LDLRAD4: variants seen among roughly 807,000 people sequenced by gnomAD.
The protein encoded by LDLRAD4 is low density lipoprotein receptor class A domain containing 4, also known as low-density lipoprotein receptor class A domain-containing protein 4.
Under a neutral mutation model 17.0 loss-of-function variants are expected in LDLRAD4, and 5 were observed. That is an observed-to-expected ratio of 0.29 (90% CI 0.15 to 0.62). The LOEUF is 0.62. Among genes scored for constraint, LDLRAD4 ranks in the 20% least tolerant of loss-of-function variants. LDLRAD4 has a pLI of 0.84. For synonymous variants in LDLRAD4, 168 were observed against 171.8 expected (o/e 0.98, Z 0.17); for missense variants, 340 against 424.7 (o/e 0.80, Z 1.75).
intron 1 of LDLRAD4, among the ~76,000 whole-genome samples, chr18:13,262,206 G>A (rs1166776421): frequency 3.6e-5 from 5 of 137,408 alleles, no homozygotes; most frequent in African/African-American, 5.5e-5. Context: ...ACTGAGTCCC[G>A]TGTGGCTCTG....
intron 3 of LDLRAD4, among the ~76,000 whole-genome samples, chr18:13,557,408 C>G (rs1003725513): frequency 6.7e-6 from 1 of 149,124 alleles, no homozygotes; most frequent in Non-Finnish European, 1.5e-5. Flanking sequence ...TAGACAAAGC[C>G]TTTTTTTTTT....
chr18:13,265,544 C>G (rs901863811), intron 1 of LDLRAD4, among the ~76,000 whole-genome samples: 1 of 152,222 alleles, frequency 6.6e-6, no homozygotes, highest in Non-Finnish European at 1.5e-5. Flanking sequence ...ATGAATAGCT[C>G]CATGCACCCA....
In LDLRAD4 at chr18:13,622,906, T is replaced by A. The variant is rs2040785835; in HGVS notation, c.336+1635T>A. Among the ~76,000 whole-genome samples the A allele has an allele frequency of 6.6e-6, 1 of 152,220 alleles. No homozygotes were observed. Among genetic ancestry groups the A allele is most frequent in the Admixed American group, 6.5e-5 (1 of 15,284 alleles). On this transcript the variant is annotated intron_variant, in intron 4 of 5. Transcript: ENST00000359446. The surrounding 1 kb of genome is among the most constrained non-coding windows in gnomAD (Gnocchi z 5.3). ...GGAGCTCCAGAACGCTTGGGGTCTC[T>A]GTGCGCAGGCACACAGGGAGTTTTC...
At chr18:13,281,121 A>G (rs1408387141) in intron 1 of LDLRAD4, among the ~76,000 whole-genome samples, 1 of 152,192 alleles carries the variant, frequency 6.6e-6, no homozygotes, top group Non-Finnish European at 1.5e-5. Context: ...TATCAAACAA[A>G]AAGAATTGGA....
chr18:13,347,959 A>G (rs1465878089), intron 1 of LDLRAD4, among the ~76,000 whole-genome samples: 3 of 152,108 alleles, frequency 2.0e-5, no homozygotes, highest in South Asian at 4.1e-4. Context: ...TGGTTATTCT[A>G]GTTAGCCATT....
intron 1 of LDLRAD4, among the ~76,000 whole-genome samples, chr18:13,301,915 C>T (rs2046627780): frequency 6.6e-6 from 1 of 152,162 alleles, no homozygotes; most frequent in African/African-American, 2.4e-5. Flanking sequence ...GGGACCAGCC[C>T]CGCTGGGCAG....
chr18:13,642,921 ATTTTTTGTTT>A lies in LDLRAD4; in HGVS notation c.337-431_337-422del, dbSNP rs1159796281. On this transcript the variant is annotated intron_variant, in intron 4 of 5. Coordinates refer to ENST00000359446, the Ensembl canonical transcript of LDLRAD4. ...TGTTTGTTTGTTTGTTTGTTTATCT[ATTTTTTGTTT>A]TTTTTTTTTCTTCTGTTTTTTTGAT... Among the ~76,000 whole-genome samples, 459 of 126,526 alleles carry A rather than the reference ATTTTTTGTTT, an allele frequency of 3.6e-3. 3 individuals are homozygous for A. Among genetic ancestry groups the A allele is most frequent in the African/African-American group, 0.015 (424 of 27,448 alleles). 83.0% of individuals were successfully genotyped at this position (126,526 alleles called of 152,430 possible). A position where few individuals can be genotyped will look rare whatever the true frequency, so the allele number is the denominator to read the frequency against.
At chr18:13,272,337 C>G (rs1467405526) in intron 1 of LDLRAD4, among the ~76,000 whole-genome samples, 1 of 152,210 alleles carries the variant, frequency 6.6e-6, no homozygotes, top group Non-Finnish European at 1.5e-5. Flanking sequence ...AACTGTGCCC[C>G]AGCAATGGCC....
rs149378222 is a variant in LDLRAD4, at chr18:13,579,980, C to T, written c.182-41137C>T. ...GTCTCCCTTCTAGGGCCCCTAGTCA[C>T]ACTGCCTTCCTTCCTTCCTCTAGTT... On this transcript the variant is annotated intron_variant, in intron 3 of 5. Transcript: ENST00000359446. Among the ~76,000 whole-genome samples the T allele has an allele frequency of 1.2e-3, 177 of 152,300 alleles. 1 individual carries two copies. The highest frequency in any genetic ancestry group is 3.9e-3 in the African/African-American group (164 of 41,564).
At chr18:13,364,463 G>A (rs1481309371) in intron 1 of LDLRAD4, among the ~76,000 whole-genome samples, 1 of 151,954 alleles carries the variant, frequency 6.6e-6, no homozygotes, top group Non-Finnish European at 1.5e-5. Context: ...TCAGCCTCCC[G>A]AGTAGCTGGG....
intron 1 of LDLRAD4, among the ~76,000 whole-genome samples, chr18:13,360,446 G>A (rs2083596135): frequency 6.6e-6 from 1 of 152,100 alleles, no homozygotes; most frequent in African/African-American, 2.4e-5. Flanking sequence ...ATCCTGGCTA[G>A]TTTTCACTCT....
chr18:13,441,548 C>T (rs911616929), intron 3 of LDLRAD4, among the ~76,000 whole-genome samples: 4 of 152,180 alleles, frequency 2.6e-5, no homozygotes, highest in East Asian at 1.9e-4. Context: ...GAGGCTGAAG[C>T]GAGGTGAGAC....
At chr18:13,443,455 A>G (rs1410110905) in intron 3 of LDLRAD4, among the ~76,000 whole-genome samples, 1 of 152,162 alleles carries the variant, frequency 6.6e-6, no homozygotes, top group Non-Finnish European at 1.5e-5. Context: ...TTTCCCTATA[A>G]TTATTGCAGT....
intron 3 of LDLRAD4, among the ~76,000 whole-genome samples, chr18:13,481,210 C>A (rs1441996445): frequency 6.6e-6 from 1 of 152,162 alleles, no homozygotes; most frequent in African/African-American, 2.4e-5. Context: ...ATTCTTCTGC[C>A]CTGTTGAGAG....
intron 3 of LDLRAD4, among the ~76,000 whole-genome samples, chr18:13,586,465 ACCATTT>A (rs2094936675): frequency 6.7e-6 from 1 of 148,282 alleles, no homozygotes; most frequent in South Asian, 2.1e-4. Flanking sequence ...AGTCACAGCT[ACCATTT>A]TACCTTTCCC....
At chr18:13,267,555 T>A (rs1019061941) in intron 1 of LDLRAD4, among the ~76,000 whole-genome samples, 2 of 152,232 alleles carry the variant, frequency 1.3e-5, no homozygotes, top group Non-Finnish European at 2.9e-5. Context: ...GGTGTTTGCA[T>A]GTATGAGATC....
At chr18:13,296,661 G>C (rs1056829006) in intron 1 of LDLRAD4, among the ~76,000 whole-genome samples, 14 of 151,612 alleles carry the variant, frequency 9.2e-5, no homozygotes. Flanking sequence ...ACAGGCGTGA[G>C]CCACAGAACC....
At chr18:13,576,728 C>G (rs531538960) in intron 3 of LDLRAD4, among the ~76,000 whole-genome samples, 3 of 152,226 alleles carry the variant, frequency 2.0e-5, no homozygotes, top group Admixed American at 1.3e-4. Context: ...TTGGGTGGGA[C>G]CACAGATAGT....
chr18:13,584,071 C>G (rs983013206), intron 3 of LDLRAD4, among the ~76,000 whole-genome samples: 2 of 152,322 alleles, frequency 1.3e-5, no homozygotes, highest in East Asian at 3.9e-4. Flanking sequence ...CCACCCGAAG[C>G]CACGTTGCCT....
Sources: gnomAD v4.1 joint callset for allele counts (sites outside exome capture counted in the v4.1 genomes callset) on GRCh38, gnomAD v4.1.1 for gene constraint, Gnocchi (gnomAD v3.1) non-coding constraint, MANE v1.5 for transcripts, NCBI Gene and HGNC (gene_info 2026-07-23, HGNC 2026-07-21) for gene names.